RAP1GDS1: variants seen among roughly 807,000 people sequenced by gnomAD.
RAP1GDS1 encodes Rap1 GTPase-GDP dissociation stimulator 1.
RAP1GDS1 carries 35 observed loss-of-function variants against 71.1 expected under a neutral mutation model. The ratio of observed to expected loss-of-function variants is 0.49; its 90% CI spans 0.38 to 0.65. The LOEUF (loss-of-function observed/expected upper bound fraction) is 0.65, where lower values mean the gene tolerates loss of function less well. Among genes scored for constraint, RAP1GDS1 ranks in the 30% least tolerant of loss-of-function variants. The pLI, the probability that RAP1GDS1 is intolerant of heterozygous loss-of-function variation, is 0.00. For synonymous variants in RAP1GDS1, 229 were observed against 243.1 expected, an observed-to-expected ratio of 0.94 and a Z score of 0.54; for missense variants, 663 against 706.1, an observed-to-expected ratio of 0.94 and a Z score of 0.69.
At chr4:98,387,298 T>C (rs1401828018) in intron 5 of RAP1GDS1, 7 of 362,140 alleles carry the variant, frequency 1.9e-5, no homozygotes, top group African/African-American at 1.1e-4. Context: ...AACAAACTTA[T>C]TTTTAGTAAC....
At chr4:98,368,326 G>A (rs746589920) in intron 4 of RAP1GDS1, among the ~76,000 whole-genome samples, 2 of 152,168 alleles carry the variant, frequency 1.3e-5, no homozygotes, top group African/African-American at 2.4e-5. Context: ...CTAGTCTTGT[G>A]TATGTCTTTA....
rs762649388 is a variant in RAP1GDS1, at chr4:98,418,806, T to G, written c.1174+15T>G. On this transcript the variant is annotated intron_variant, in intron 10 of 14. Transcript: ENST00000408927. ...GGCCATTCCAGGTAAGACTTAAGAA[T>G]AGAAGGCAGCTGTGTACAAAATAAA... The G allele has an allele frequency of 6.3e-7, 1 of 1,580,684 alleles. No homozygotes were observed. The highest frequency in any genetic ancestry group is 1.9e-5 in the Admixed American group (1 of 52,780).
intron 1 of RAP1GDS1, among the ~76,000 whole-genome samples, chr4:98,279,870 G>T (rs962741971): frequency 1.3e-5 from 2 of 152,096 alleles, no homozygotes; most frequent in African/African-American, 4.8e-5. Flanking sequence ...TTGGTTTTCT[G>T]TCCTTGTGAT....
chr4:98,294,113 G>A (rs1260838667), intron 2 of RAP1GDS1, among the ~76,000 whole-genome samples: 1 of 151,922 alleles, frequency 6.6e-6, no homozygotes, highest in Non-Finnish European at 1.5e-5. Flanking sequence ...CCATTGTGTT[G>A]CATTTTATTT....
At chr4:98,329,115 T>G (rs1394628721) in intron 2 of RAP1GDS1, among the ~76,000 whole-genome samples, 5 of 152,234 alleles carry the variant, frequency 3.3e-5, no homozygotes, top group Non-Finnish European at 7.3e-5. Context: ...TTATTGTATC[T>G]TGATAGAAAA....
intron 12 of RAP1GDS1, among the ~76,000 whole-genome samples, chr4:98,431,484 A>C (rs1444088134): frequency 6.6e-6 from 1 of 152,228 alleles, no homozygotes; most frequent in Non-Finnish European, 1.5e-5. Flanking sequence ...TTTTATATAT[A>C]CCAAAATTTA....
rs184128191 is a variant in RAP1GDS1 at position 98,309,669 on chromosome 4, T to C, written c.112+16154T>C. Among the ~76,000 whole-genome samples, 33 of 152,090 alleles carry C rather than the reference T, an allele frequency of 2.2e-4. 1 individual carries two copies. In the East Asian group the frequency reaches 4.8e-3, roughly 22 times the overall value. The stretch of plus-strand genomic sequence containing the variant: ...TATATAGATTCTAGTTGAAGAAATA[T>C]AGTTGTCAGAAATATATCTTCTTAA... On this transcript the variant is annotated intron_variant, in intron 2 of 14. Transcript: ENST00000408927.
chr4:98,351,961 A>T (rs1422680869), intron 3 of RAP1GDS1, among the ~76,000 whole-genome samples: 1 of 151,350 alleles, frequency 6.6e-6, no homozygotes, highest in African/African-American at 2.4e-5. Context: ...AGGACATATT[A>T]TTTTTTAATG....
intron 1 of RAP1GDS1, among the ~76,000 whole-genome samples, chr4:98,284,674 A>T (rs2110260903): frequency 6.6e-6 from 1 of 152,272 alleles, no homozygotes; most frequent in South Asian, 2.1e-4. Context: ...AGCAGAAGGG[A>T]TGCCATGTGA....
intron 4 of RAP1GDS1, among the ~76,000 whole-genome samples, chr4:98,363,477 TCAAAAAA>T (rs1739044619): frequency 3.6e-5 from 1 of 27,422 alleles, no homozygotes; most frequent in South Asian, 1.1e-3. Flanking sequence ...AGACCCTGTC[TCAAAAAA>T]AAAAAAAAAA....
chr4:98,404,405 C>CT, intron 6 of RAP1GDS1, 72 bp from the exon 7 acceptor site: 1 of 1,358,344 alleles, frequency 7.4e-7, no homozygotes, highest in Non-Finnish European at 1.0e-6. Context: ...TACAAAATAA[C>CT]TAAGTATTGA....
At chr4:98,413,393 C>G (rs1560981621) in intron 7 of RAP1GDS1, among the ~76,000 whole-genome samples, 1 of 151,812 alleles carries the variant, frequency 6.6e-6, no homozygotes, top group Non-Finnish European at 1.5e-5. Context: ...ACCACAGTCC[C>G]CAGAGTGTGA....
At chr4:98,318,272 AG>A (rs924674936) in intron 2 of RAP1GDS1, among the ~76,000 whole-genome samples, 52 of 152,304 alleles carry the variant, frequency 3.4e-4, no homozygotes, top group Middle Eastern at 3.4e-3. Context: ...AGAGATCCTC[AG>A]GGGATGCGTT....
In RAP1GDS1 at chr4:98,307,409, T is replaced by C. The variant is rs116686531; in HGVS notation, c.112+13894T>C. ...TATATCAGAAATTTTGTAAATACTT[T>C]GTCATGTTTCTGAAAAATCCTATTG... On this transcript the variant is annotated intron_variant, in intron 2 of 14. Coordinates refer to ENST00000408927, the MANE Select transcript of RAP1GDS1 (RefSeq NM_001100427.2). 1.1e-3 allele frequency among the ~76,000 whole-genome samples: 170 copies of C among 152,246 alleles called. 1 individual carries two copies. Among genetic ancestry groups the C allele is most frequent in the African/African-American group, 3.8e-3 (156 of 41,580 alleles).
chr4:98,294,961 TAGAC>T (rs778576850), intron 2 of RAP1GDS1, among the ~76,000 whole-genome samples: 2 of 152,070 alleles, frequency 1.3e-5, no homozygotes, highest in Non-Finnish European at 1.5e-5. Context: ...TTTTCTCTGT[TAGAC>T]AGTAAACTTT....
In RAP1GDS1 at chr4:98,299,128, A is replaced by G. The variant is rs59369751; in HGVS notation, c.112+5613A>G. 3.4e-3 allele frequency among the ~76,000 whole-genome samples: 516 copies of G among 152,210 alleles called. 2 individuals carry two copies. Among genetic ancestry groups the G allele is most frequent in the African/African-American group, 0.011 (477 of 41,524 alleles). ...TGTGTCCAAGTGTTCTCATTGTTCA[A>G]TTCCCACCTATGAGTGAGAACATGC... On this transcript the variant is annotated intron_variant, in intron 2 of 14. Transcript: ENST00000408927.
chr4:98,262,286 C>T (rs1315034458), intron 1 of RAP1GDS1, among the ~76,000 whole-genome samples: 1 of 152,232 alleles, frequency 6.6e-6, no homozygotes, highest in Non-Finnish European at 1.5e-5. Context: ...TAGCAGGAAA[C>T]TGCGCCCTGT....
intron 1 of RAP1GDS1, among the ~76,000 whole-genome samples, chr4:98,270,343 G>A (rs1263269112): frequency 6.6e-6 from 1 of 152,108 alleles, no homozygotes; most frequent in Admixed American, 6.6e-5. Flanking sequence ...ACTGAAGTTT[G>A]AAATATACTC....
At chr4:98,309,628 A>T (rs1028155272) in intron 2 of RAP1GDS1, among the ~76,000 whole-genome samples, 1 of 152,006 alleles carries the variant, frequency 6.6e-6, no homozygotes, top group Non-Finnish European at 1.5e-5. Context: ...AAGAATTTGT[A>T]GAAGCACATT....
Sources: gnomAD v4.1 joint callset for allele counts (sites outside exome capture counted in the v4.1 genomes callset) on GRCh38, gnomAD v4.1.1 for gene constraint, MANE v1.5 for transcripts, NCBI Gene and HGNC (gene_info 2026-07-23, HGNC 2026-07-21) for gene names.